Variants in SUPV3L1 observed in about 807,000 individuals in gnomAD.
SUPV3L1 encodes the protein Suv3 like RNA helicase, also known as ATP-dependent RNA helicase SUPV3L1, mitochondrial.
Under a neutral mutation model 70.0 loss-of-function variants are expected in SUPV3L1, and 35 were observed. The observed-to-expected ratio is 0.50, with a 90% CI of 0.38 to 0.66. SUPV3L1 has a LOEUF of 0.66. Among genes scored for constraint, SUPV3L1 ranks in the 30% least tolerant of loss-of-function variants. SUPV3L1 has a pLI of 0.00. For synonymous variants in SUPV3L1, 364 were observed against 341.9 expected (o/e 1.06, Z -0.71); for missense variants, 777 against 961.5 (o/e 0.81, Z 2.54).
At chr10:69,199,519 C>G (rs1434071990) in intron 10 of SUPV3L1, among the ~76,000 whole-genome samples, 2 of 151,752 alleles carry the variant, frequency 1.3e-5, no homozygotes, top group African/African-American at 4.8e-5. Flanking sequence ...GTAGCTGGGA[C>G]CACAGGTGCA....
chr10:69,202,048 G>C (rs1355229181), intron 11 of SUPV3L1, among the ~76,000 whole-genome samples: 4 of 147,868 alleles, frequency 2.7e-5, no homozygotes, highest in Non-Finnish European at 3.0e-5. Flanking sequence ...ACCATGTTGG[G>C]CAGGATGGTC....
intron 13 of SUPV3L1, among the ~76,000 whole-genome samples, chr10:69,205,191 A>G (rs1446988520): frequency 6.6e-6 from 1 of 152,222 alleles, no homozygotes; most frequent in African/African-American, 2.4e-5. Flanking sequence ...TAGAGCTGGC[A>G]TTTGTGAAAA....
In SUPV3L1 at chr10:69,207,798, C is replaced by T; in HGVS notation, c.1782C>T (p.Ala594=). Residue 594 remains alanine, a synonymous_variant, in exon 14 of 15, where the codon GCC becomes GCT. Transcript: ENST00000359655. ...PFVCSSLLQF[A]RQYSRNEPLT... Reference sequence around the variant, plus strand: ...TTTTCCTCTTTCTCTCTCAGTTTGCCAGGCAGTATAGCAGGAATGAGCCCC... The same window carrying T: ...TTTTCCTCTTTCTCTCTCAGTTTGCTAGGCAGTATAGCAGGAATGAGCCCC... The T allele has an allele frequency of 1.2e-6, 2 of 1,611,720 alleles. No individual in the cohort carries two copies. Among genetic ancestry groups the T allele is most frequent in the Non-Finnish European group, 1.7e-6 (2 of 1,179,012 alleles).
chr10:69,191,799 G>A (rs1842406258), intron 6 of SUPV3L1, 33 bp downstream of exon 6: 1 of 1,527,884 alleles, frequency 6.5e-7, no homozygotes, highest in African/African-American at 1.4e-5. Context: ...ACTATGGTTT[G>A]GTATTTTTAA....
In SUPV3L1 at chr10:69,200,284, A is replaced by T. The variant is rs1301163791; in HGVS notation, c.1303A>T (p.Ile435Leu). ...TCACTTTTATTTCTGTTTCAGGAGCATAAGGAGAATTATTTTTTACTCCCT... is the reference window on the plus strand; with the variant it reads ...TCACTTTTATTTCTGTTTCAGGAGCTTAAGGAGAATTATTTTTTACTCCCT... ...DAIGMGLNLSIRRIIFYSLIK... is the reference protein window; with the variant it reads ...DAIGMGLNLSLRRIIFYSLIK... The change falls in exon 11 of 15, where the codon ATA becomes TTA. Residue 435 changes from isoleucine to leucine, a missense_variant. This residue lies in a region of SUPV3L1 where 619 missense variants were observed against 823.3 expected (regional missense o/e 0.75). Transcript: ENST00000359655. The T allele has an allele frequency of 6.2e-7, 1 of 1,612,992 alleles. No homozygotes were observed. The highest frequency in any genetic ancestry group is 1.7e-5 in the Admixed American group (1 of 59,918).
At chr10:69,196,855 A>T in intron 7 of SUPV3L1, 137 bp from the exon 8 acceptor site, 1 of 642,100 alleles carries the variant, frequency 1.6e-6, no homozygotes, top group Non-Finnish European at 2.7e-6. Flanking sequence ...GGTTTGCATC[A>T]GAGATAATAT....
intron 1 of SUPV3L1, among the ~76,000 whole-genome samples, chr10:69,185,450 T>A (rs1385575195): frequency 6.7e-6 from 1 of 148,296 alleles, no homozygotes; most frequent in Admixed American, 6.7e-5. Context: ...AGTGCATTGC[T>A]CATTCCTCTA....
At position 69,187,624 on chromosome 10, in the gene SUPV3L1, C is replaced by T. The variant is rs973152653; in HGVS notation, c.458-18C>T. ...TTTATGTAGATTGCACATGTTAATA[C>T]AGTGTTTTATTTTCCAGCTCATGCG... On this transcript the variant is annotated intron_variant, in intron 3 of 14. Coordinates refer to ENST00000359655, the MANE Select transcript of SUPV3L1 (RefSeq NM_003171.5). 2.0e-6 allele frequency: 3 copies of T among 1,514,764 alleles called. No individual in the cohort carries two copies. The African/African-American group carries it at 4.2e-5, about 21-fold the overall frequency. The allele number at this position is 1,514,764 out of a possible 1,614,324, so 93.8% of individuals were successfully genotyped here.
At position 69,200,480 on chromosome 10, in the gene SUPV3L1, G is replaced by A. The variant is rs1320953551; in HGVS notation, c.1499G>A (p.Arg500Lys). ...DLSLLKEILK[R>K]PVDPIRAAGL... ...AGTTTATTAAAGGAAATTTTGAAGA[G>A]GCCTGTGGATCCTATAAGGGTAAGA... The change falls in exon 11 of 15, where the codon AGG becomes AAG. Residue 500 changes from arginine (R) to lysine (K), a missense_variant. Transcript: ENST00000359655. 16 of 1,613,832 alleles carry A rather than the reference G, an allele frequency of 9.9e-6. No individual in the cohort carries two copies. Among genetic ancestry groups the A allele is most frequent in the Non-Finnish European group, 1.4e-5 (16 of 1,179,884 alleles).
At chr10:69,197,390 C>G (rs1253300228) in intron 8 of SUPV3L1, among the ~76,000 whole-genome samples, 2 of 152,066 alleles carry the variant, frequency 1.3e-5, no homozygotes, top group Non-Finnish European at 2.9e-5. Context: ...AGTTGGAGAC[C>G]CAGCAAGTTT....
In SUPV3L1 at chr10:69,195,581, G is replaced by C. The variant is rs111425576; in HGVS notation, c.931+316G>C. On this transcript the variant is annotated intron_variant, in intron 7 of 14. Coordinates refer to ENST00000359655, the MANE Select transcript of SUPV3L1 (RefSeq NM_003171.5). ...TTTTTGTATGTGCATATGGTGTTTT[G>C]AGAACATTAGTTTTGTATCTTGCTG... Among the ~76,000 whole-genome samples, 58 of 152,106 alleles carry C rather than the reference G, an allele frequency of 3.8e-4. 3 individuals are homozygous for C. The highest frequency in any genetic ancestry group is 1.3e-3 in the African/African-American group (55 of 41,502).
chr10:69,196,996 G>A lies in SUPV3L1; in HGVS notation c.936G>A (p.Leu312=). Residue 312 remains leucine, a synonymous_variant, in exon 8 of 15, where the codon CTG becomes CTA. Coordinates refer to ENST00000359655, the MANE Select transcript of SUPV3L1 (RefSeq NM_003171.5). ...GWAWTRALLG[L]CAEEVHLCGE... ...AACCCAGTTTTGCATTGACAGGACT[G>A]TGTGCTGAAGAGGTTCATTTGTGTG... 4 of 1,614,020 alleles carry A rather than the reference G, an allele frequency of 2.5e-6. No homozygotes were observed. The highest frequency in any genetic ancestry group is 1.1e-5 in the South Asian group (1 of 91,058).
chr10:69,189,368 A>T lies in SUPV3L1; in HGVS notation c.674A>T (p.Lys225Met). The T allele has an allele frequency of 1.1e-5, 18 of 1,614,128 alleles. No individual in the cohort carries two copies. The highest frequency in any genetic ancestry group is 1.5e-5 in the Non-Finnish European group (18 of 1,180,000). Residue 225 changes from lysine to methionine, a missense_variant, in exon 5 of 15, where the codon AAG becomes ATG. Transcript: ENST00000359655. ...YHAIQKYFSAKSGVYCGPLKL... is the reference protein window; with the variant it reads ...YHAIQKYFSAMSGVYCGPLKL... ...GCAATCCAGAAATACTTCTCAGCAA[A>T]GTCTGGAGTGTATTGTGGCCCTCTA...
intron 1 of SUPV3L1, among the ~76,000 whole-genome samples, chr10:69,180,979 A>G (rs1261210784): frequency 6.6e-6 from 1 of 152,144 alleles, no homozygotes; most frequent in Admixed American, 6.6e-5. Flanking sequence ...GCCGACTCAT[A>G]CCACGCTGTT....
Position 69,202,457 on chromosome 10 carries a change from A to G in SUPV3L1, c.1537A>G (p.Thr513Ala), listed in dbSNP as rs2132301715. 6.2e-7 allele frequency: 1 copy of G among 1,611,854 alleles called. No individual in the cohort carries two copies. Among genetic ancestry groups the G allele is most frequent in the East Asian group, 2.2e-5 (1 of 44,820 alleles). The change falls in exon 12 of 15, where the codon ACT becomes GCT. Residue 513 changes from threonine (T) to alanine (A), a missense_variant. Transcript: ENST00000359655. ...CTAAAAGGCAGCTGGTCTTCATCCA[A>G]CTGCTGAGCAGATTGAAATGTTTGC... ...DPIRAAGLHP[T>A]AEQIEMFAYH... is the part of the protein sequence containing the mutation.
In SUPV3L1 at chr10:69,180,279, A is replaced by T; in HGVS notation, c.-13A>T. ...CCGCGGCTGCGCCAGACAGTGTAGA[A>T]CCTGCGGCCTCGATGTCCTTCTCCC... On this transcript the variant is annotated 5_prime_UTR_variant, in exon 1 of 15. Coordinates refer to ENST00000359655, the MANE Select transcript of SUPV3L1 (RefSeq NM_003171.5). 6.2e-7 allele frequency: 1 copy of T among 1,611,944 alleles called. No individual in the cohort carries two copies. The highest frequency in any genetic ancestry group is 8.5e-7 in the Non-Finnish European group (1 of 1,179,344).
In SUPV3L1 at chr10:69,209,028, C is replaced by T. The variant is rs140770987; in HGVS notation, c.2354C>T (p.Ser785Leu). The change falls in exon 15 of 15, where the codon TCG (serine) becomes TTG (leucine). Residue 785 changes from serine to leucine, a missense_variant. By Grantham distance (145) the Ser-to-Leu change is moderately radical. Around this residue, in one of 2 missense-constraint regions of SUPV3L1, gnomAD observed 619 missense variants for 823.3 expected, o/e 0.75. Coordinates refer to ENST00000359655, the MANE Select transcript of SUPV3L1 (RefSeq NM_003171.5). ...GTRRKKKEPD[S>L]D Reference sequence around the variant, plus strand: ...AGAAGAAAGAAGAAGGAACCTGATTCGGACTAGTTTTCTGTTCCTGTTTTT... The same window carrying T: ...AGAAGAAAGAAGAAGGAACCTGATTTGGACTAGTTTTCTGTTCCTGTTTTT... The T allele has an allele frequency of 4.1e-5, 63 of 1,540,040 alleles. No homozygotes were observed. Among genetic ancestry groups the T allele is most frequent in the Non-Finnish European group, 5.4e-5 (62 of 1,146,566 alleles).
At chr10:69,207,245 G>A (rs1171856548) in intron 13 of SUPV3L1, among the ~76,000 whole-genome samples, 1 of 152,016 alleles carries the variant, frequency 6.6e-6, no homozygotes, top group Non-Finnish European at 1.5e-5. Flanking sequence ...ATACCCTATA[G>A]GTAGTGTGCC....
Position 69,202,486 on chromosome 10 carries a change from C to T in SUPV3L1, c.1566C>T (p.Tyr522=), listed in dbSNP as rs551672481. 9.9e-5 allele frequency: 159 copies of T among 1,613,462 alleles called. 1 individual carries two copies. The South Asian group carries it at 1.5e-3, about 15-fold the overall frequency. ...CTGAGCAGATTGAAATGTTTGCCTA[C>T]CATCTCCCTGATGCAACACTGTCCA... The part of the protein sequence containing the change: ...PTAEQIEMFA[Y]HLPDATLSNL... Residue 522 remains tyrosine, a synonymous_variant, in exon 12 of 15, where the codon TAC becomes TAT. Coordinates refer to ENST00000359655, the MANE Select transcript of SUPV3L1 (RefSeq NM_003171.5).
Sources: allele counts gnomAD v4.1 joint callset (sites outside exome capture counted in the v4.1 genomes callset), GRCh38; gene constraint gnomAD v4.1.1; regional missense constraint gnomAD v4.1.1; transcripts MANE v1.5; gene names NCBI Gene and HGNC (gene_info 2026-07-23, HGNC 2026-07-21).